FRAS1: variants seen among roughly 807,000 people sequenced by gnomAD.
FRAS1 encodes extracellular matrix organizing protein FRAS1.
Under a neutral mutation model 435.2 loss-of-function variants are expected in FRAS1, and 290 were observed. That is an observed-to-expected ratio of 0.67 (90% CI 0.61 to 0.73). The LOEUF (loss-of-function observed/expected upper bound fraction) is 0.73. FRAS1 is among the 30% of genes least tolerant of loss of function. The probability of loss-of-function intolerance (pLI) is 0.00; values close to 1 mark genes in which losing one functional copy is unlikely to be tolerated. For missense variants in FRAS1, 4,860 were observed against 5,001.5 expected (o/e 0.97, Z 0.85); for synonymous variants, 1,800 against 1,851.0 (o/e 0.97, Z 0.71).
At chr4:78,064,522 C>T (rs1560504068) in intron 1 of FRAS1, among the ~76,000 whole-genome samples, 1 of 151,298 alleles carries the variant, frequency 6.6e-6, no homozygotes, top group Non-Finnish European at 1.5e-5. Flanking sequence ...ATAATTTTTG[C>T]TTATACATAT....
At chr4:78,404,235 A>G (rs777346924) in intron 30 of FRAS1, among the ~76,000 whole-genome samples, 1 of 152,214 alleles carries the variant, frequency 6.6e-6, no homozygotes, top group Non-Finnish European at 1.5e-5. Flanking sequence ...ATGATATTCC[A>G]ATTCTTAATA....
At chr4:78,152,228 T>C (rs1195817667) in intron 2 of FRAS1, among the ~76,000 whole-genome samples, 1 of 152,180 alleles carries the variant, frequency 6.6e-6, no homozygotes, top group Non-Finnish European at 1.5e-5. Context: ...TCCTTGTGGA[T>C]TCATGTATTT....
rs1056207112 is a variant in FRAS1, at chr4:78,132,940, TC to T, written c.108+66926del. On this transcript the variant is annotated intron_variant, in intron 2 of 73. Transcript: ENST00000512123. Reference sequence around the variant, plus strand: ...CACGCCACACTTGGTTCTCTCTAGCTCCTCAGTTTCTGACTTCTCAGCCCTC... The same window carrying T: ...CACGCCACACTTGGTTCTCTCTAGCTCTCAGTTTCTGACTTCTCAGCCCTC... Among the ~76,000 whole-genome samples the T allele has an allele frequency of 4.6e-5, 7 of 152,278 alleles. No homozygotes were observed. In the East Asian group the frequency reaches 1.4e-3, roughly 29 times the overall value.
At chr4:78,450,556 G>A (rs1718989683) in intron 45 of FRAS1, 1 of 511,626 alleles carries the variant, frequency 2.0e-6, no homozygotes, top group South Asian at 2.5e-5. Context: ...CTTTGACTTA[G>A]CATTGGTGGC....
chr4:78,092,702 C>T lies in FRAS1; in HGVS notation c.108+26686C>T, dbSNP rs556937112. The stretch of plus-strand genomic sequence containing the variant: ...AGTGGTGCCGTTCTTTGAGCTTTTC[C>T]GTGGTCCTAGGGAGACATGGGCTTC... On this transcript the variant is annotated intron_variant, in intron 2 of 73. Coordinates refer to ENST00000512123, the MANE Select transcript of FRAS1 (RefSeq NM_025074.7). 1.2e-4 allele frequency among the ~76,000 whole-genome samples: 18 copies of T among 152,280 alleles called. No individual in the cohort carries two copies. In the South Asian group the frequency reaches 3.3e-3, roughly 28 times the overall value.
At chr4:78,398,810 C>G (rs1210646910) in intron 29 of FRAS1, among the ~76,000 whole-genome samples, 1 of 152,168 alleles carries the variant, frequency 6.6e-6, no homozygotes, top group Non-Finnish European at 1.5e-5. Context: ...TGGTGAAACC[C>G]AGTCTTTACT....
intron 51 of FRAS1, among the ~76,000 whole-genome samples, chr4:78,471,770 G>A (rs1007756189): frequency 6.6e-6 from 1 of 152,120 alleles, no homozygotes; most frequent in Admixed American, 6.5e-5. Context: ...CTAGAAAGTG[G>A]CCACCTTCCC....
chr4:78,489,898 T>C (rs1433908401), intron 59 of FRAS1, among the ~76,000 whole-genome samples: 1 of 145,882 alleles, frequency 6.9e-6, no homozygotes, highest in East Asian at 2.0e-4. Flanking sequence ...CAGCAGAGTA[T>C]TCTCTTGACA....
chr4:78,261,608 C>A (rs1248224541), intron 6 of FRAS1, among the ~76,000 whole-genome samples: 1 of 152,072 alleles, frequency 6.6e-6, no homozygotes, highest in African/African-American at 2.4e-5. Flanking sequence ...GAGATGCTGT[C>A]CTTACACCCA....
At chr4:78,261,465 G>T (rs182761005) in intron 6 of FRAS1, among the ~76,000 whole-genome samples, 1 of 152,086 alleles carries the variant, frequency 6.6e-6, no homozygotes, top group African/African-American at 2.4e-5. Context: ...TAAGCAGAAG[G>T]AATTTGAGTA....
intron 22 of FRAS1, 62 bp from the exon 23 acceptor site, chr4:78,369,776 G>A: frequency 6.7e-7 from 1 of 1,489,924 alleles, no homozygotes; most frequent in South Asian, 1.4e-5. Context: ...GTCTAGGTTT[G>A]ATCAGTGCTT....
At chr4:78,139,626 A>C (rs1720076023) in intron 2 of FRAS1, among the ~76,000 whole-genome samples, 1 of 152,208 alleles carries the variant, frequency 6.6e-6, no homozygotes, top group Non-Finnish European at 1.5e-5. Flanking sequence ...TTAGTGGAAA[A>C]GAGTCTGGGT....
intron 66 of FRAS1, among the ~76,000 whole-genome samples, chr4:78,518,454 T>TATATATATATATATATA (rs1560423230): frequency 4.0e-5 from 4 of 100,894 alleles, no homozygotes; most frequent in African/African-American, 1.7e-4. Context: ...ATATATATAT[T>TATATATATATATATATA]TATTTATTTA....
At chr4:78,432,668 C>T in intron 38 of FRAS1, 64 bp downstream of exon 38, 9 of 1,484,956 alleles carry the variant, frequency 6.1e-6, no homozygotes, top group Non-Finnish European at 7.2e-6. Flanking sequence ...GCAGACTGGG[C>T]AGCAATGCCA....
intron 2 of FRAS1, among the ~76,000 whole-genome samples, chr4:78,194,238 C>A (rs1314764707): frequency 6.6e-6 from 1 of 152,134 alleles, no homozygotes; most frequent in Non-Finnish European, 1.5e-5. Context: ...GTGAATCTGA[C>A]AGTTAGGTAT....
At chr4:78,254,093 C>A (rs41391850) in intron 5 of FRAS1, among the ~76,000 whole-genome samples, 3,865 of 152,100 alleles carry the variant, frequency 0.025, 164 homozygotes, top group African/African-American at 0.087. Context: ...TTTTGTTCAG[C>A]AAGCCAGAGT....
intron 2 of FRAS1, among the ~76,000 whole-genome samples, chr4:78,109,011 C>A (rs1467605086): frequency 2.3e-4 from 11 of 47,576 alleles, no homozygotes; most frequent in African/African-American, 3.1e-4. Flanking sequence ...GAAATGGATA[C>A]ATTCCTCGAC....
At chr4:78,478,141 T>C in intron 55 of FRAS1, 80 bp downstream of exon 55, 1 of 1,405,648 alleles carries the variant, frequency 7.1e-7, no homozygotes, top group Non-Finnish European at 9.6e-7. Flanking sequence ...TAAGCACTCA[T>C]CTCATGCATT....
intron 2 of FRAS1, among the ~76,000 whole-genome samples, chr4:78,183,871 A>G (rs1425717580): frequency 3.3e-5 from 5 of 152,022 alleles, no homozygotes; most frequent in Non-Finnish European, 7.4e-5. Flanking sequence ...TAACAACAAA[A>G]GAAACCTGAA....
Sources: gnomAD v4.1 joint callset for allele counts (sites outside exome capture counted in the v4.1 genomes callset) on GRCh38, gnomAD v4.1.1 for gene constraint, MANE v1.5 for transcripts, NCBI Gene and HGNC (gene_info 2026-07-23, HGNC 2026-07-21) for gene names.